Variants in POTEI observed in about 807,000 individuals in gnomAD.
The protein encoded by POTEI is POTE ankyrin domain family member I.
Under a neutral mutation model 43.4 loss-of-function variants are expected in POTEI, and 14 were observed. The observed-to-expected ratio is 0.32, with a 90% CI of 0.21 to 0.50. POTEI has a LOEUF of 0.50. Ranked by LOEUF, POTEI falls within the 20% of genes least tolerant of loss-of-function variation. The probability of loss-of-function intolerance (pLI) is 0.98; values close to 1 mark genes in which losing one functional copy is unlikely to be tolerated. For missense variants in POTEI, 235 were observed against 795.4 expected (o/e 0.30, Z 8.47); for synonymous variants, 95 against 297.9 (o/e 0.32, Z 7.01).
At chr2:130,483,835 C>A (rs183937768) in intron 9 of POTEI, among the ~76,000 whole-genome samples, 1 of 150,610 alleles carries the variant, frequency 6.6e-6, no homozygotes. Flanking sequence ...CCTGCCTCGG[C>A]CTCCCAAAGT....
At chr2:130,477,549 T>C (rs1464183319) in intron 10 of POTEI, among the ~76,000 whole-genome samples, 2 of 150,034 alleles carry the variant, frequency 1.3e-5, no homozygotes, top group African/African-American at 5.0e-5. Flanking sequence ...ACTTTACTGA[T>C]TTTTCTACTG....
rs1470869938 is a variant in POTEI, at chr2:130,461,250, C to A, written c.*1566G>T. The A allele has an allele frequency of 8.8e-6, 1 of 113,000 alleles. No individual in the cohort carries two copies. The highest frequency in any genetic ancestry group is 2.0e-5 in the Non-Finnish European group (1 of 49,232). The allele number at this position is 113,000 out of a possible 1,614,324, so 7.0% of individuals were successfully genotyped here. ...TGGGGGTTCACTTCAGCCCCTGGTC[C>A]GCCTCAGACACTCTGAAGCCCTAAG... is the stretch of plus-strand genomic sequence containing the variant. On this transcript the variant is annotated 3_prime_UTR_variant, in exon 15 of 15. Transcript: ENST00000451531.
chr2:130,507,276 A>ATG (rs1489041902), intron 1 of POTEI, among the ~76,000 whole-genome samples: 1 of 630 alleles, frequency 1.6e-3, no homozygotes, highest in African/African-American at 2.3e-3. Flanking sequence ...AAAAAAGGAT[A>ATG]TATATATATA....
intron 9 of POTEI, among the ~76,000 whole-genome samples, chr2:130,483,739 C>T (rs1159637548): frequency 3.0e-4 from 45 of 148,680 alleles, no homozygotes; most frequent in African/African-American, 8.4e-4. Flanking sequence ...GGACTACAGG[C>T]GCATGCCACC....
In POTEI at chr2:130,460,285, G is replaced by C. The variant is rs1250490440; in HGVS notation, c.*2531C>G. 6.6e-6 allele frequency: 1 copy of C among 151,860 alleles called. No homozygotes were observed. The highest frequency in any genetic ancestry group is 1.5e-5 in the Non-Finnish European group (1 of 68,046). 9.4% of individuals were successfully genotyped at this position (151,860 alleles called of 1,614,324 possible). ...CCTCCAGAGATCAGGTCTCAGAGGA[G>C]AACTCTCTCAAAAGTGAACCCCCAG... On this transcript the variant is annotated 3_prime_UTR_variant, in exon 15 of 15. Coordinates refer to ENST00000451531, the MANE Select transcript of POTEI (RefSeq NM_001277406.2).
Position 130,473,668 on chromosome 2 carries a change from T to G in POTEI, c.1778+710A>C, listed in dbSNP as rs542936275. Among the ~76,000 whole-genome samples the G allele has an allele frequency of 9.3e-3, 216 of 23,152 alleles. 22 individuals are homozygous for G. The highest frequency in any genetic ancestry group is 9.9e-3 in the African/African-American group (208 of 21,068). The allele number at this position is 23,152 out of a possible 152,430, so 15.2% of individuals were successfully genotyped here. On this transcript the variant is annotated intron_variant, in intron 13 of 14. Transcript: ENST00000451531. The stretch of plus-strand genomic sequence containing the variant: ...ATACTATAATAAATGTCCTTATACA[T>G]AAGTATACATATAACATATCTATAC...
chr2:130,477,937 C>G (rs1683261583), intron 10 of POTEI, among the ~76,000 whole-genome samples: 1 of 112,386 alleles, frequency 8.9e-6, no homozygotes, highest in Admixed American at 9.5e-5. Flanking sequence ...GCCAGCAGCT[C>G]AGTAATGCCA....
At chr2:130,468,542 C>G (rs1477056619) in intron 13 of POTEI, among the ~76,000 whole-genome samples, 2 of 151,856 alleles carry the variant, frequency 1.3e-5, no homozygotes, top group African/African-American at 4.8e-5. Flanking sequence ...CAAAGAGCCC[C>G]TTATGAAACC....
chr2:130,508,924 G>C lies in POTEI; in HGVS notation c.312C>G (p.His104Gln), dbSNP rs761266124. The change falls in exon 1 of 15, where the codon CAC (histidine) becomes CAG (glutamine). Residue 104 changes from histidine to glutamine, a missense_variant. By Grantham distance (24) the His-to-Gln change is conservative. Transcript: ENST00000451531. ...CGCTCCCCCTGCAGCAGGGGAAGCA[G>C]TGGCAGCACCACTTGCCCATCTTGC... ...LRSKMGKWCCHCFPCCRGSGK... is the reference protein window; with the variant it reads ...LRSKMGKWCCQCFPCCRGSGK... 3.2e-6 allele frequency: 5 copies of C among 1,587,188 alleles called. No individual in the cohort carries two copies. The highest frequency in any genetic ancestry group is 4.3e-6 in the Non-Finnish European group (5 of 1,168,676).
chr2:130,482,826 C>T (rs912313037), intron 9 of POTEI, among the ~76,000 whole-genome samples: 3 of 143,488 alleles, frequency 2.1e-5, no homozygotes, highest in African/African-American at 5.2e-5. Context: ...GATGTTAAGA[C>T]CTGACTTGGA....
chr2:130,486,923 A>AT (rs1683593314), intron 9 of POTEI, among the ~76,000 whole-genome samples: 1 of 119,398 alleles, frequency 8.4e-6, no homozygotes, highest in South Asian at 3.6e-4. Context: ...TTAAATACAG[A>AT]TCCCCATGTA....
intron 6 of POTEI, among the ~76,000 whole-genome samples, chr2:130,492,985 C>T (rs1231485839): frequency 2.7e-5 from 4 of 150,302 alleles, no homozygotes; most frequent in African/African-American, 7.3e-5. Flanking sequence ...ACAAAAAACA[C>T]TCTTTCTCTT....
Position 130,508,914 on chromosome 2 carries a change from A to G in POTEI, c.322T>C (p.Cys108Arg), listed in dbSNP as rs1414879463. 16 of 1,593,944 alleles carry G rather than the reference A, an allele frequency of 1.0e-5. No homozygotes were observed. Among genetic ancestry groups the G allele is most frequent in the Non-Finnish European group, 1.3e-5 (15 of 1,173,520 alleles). Reference sequence around the variant, plus strand: ...TTGCTCTTGCCGCTCCCCCTGCAGCAGGGGAAGCAGTGGCAGCACCACTTG... The same window carrying G: ...TTGCTCTTGCCGCTCCCCCTGCAGCGGGGGAAGCAGTGGCAGCACCACTTG... ...MGKWCCHCFP[C>R]CRGSGKSNVG... is the part of the protein sequence containing the mutation. The change falls in exon 1 of 15, where the codon TGC becomes CGC. Residue 108 changes from cysteine (C) to arginine (R), a missense_variant. Cys to Arg is a radical substitution (Grantham distance 180, BLOSUM62 -3). Coordinates refer to ENST00000451531, the MANE Select transcript of POTEI (RefSeq NM_001277406.2).
chr2:130,482,421 CT>C (rs1398742977), intron 9 of POTEI, among the ~76,000 whole-genome samples: 1 of 150,394 alleles, frequency 6.6e-6, no homozygotes, highest in Non-Finnish European at 1.5e-5. Flanking sequence ...TTAATGTCTT[CT>C]TCTACAAAGT....
chr2:130,487,348 C>G lies in POTEI; in HGVS notation c.1409+684G>C, dbSNP rs1449397448. ...TACATAAGTATATATGTAACATCTA[C>G]ACAAATATCCTTTACATATATTATA... On this transcript the variant is annotated intron_variant, in intron 9 of 14. Transcript: ENST00000451531. Among the ~76,000 whole-genome samples the G allele has an allele frequency of 5.9e-3, 38 of 6,436 alleles. 18 individuals are homozygous for G. The Non-Finnish European group carries it at 0.22, about 38-fold the overall frequency. 4.2% of individuals were successfully genotyped at this position (6,436 alleles called of 152,430 possible). A position where few individuals can be genotyped will look rare whatever the true frequency, so the allele number is the denominator to read the frequency against.
intron 1 of POTEI, among the ~76,000 whole-genome samples, chr2:130,507,311 TATATATACACACACAC>T (rs1168118240): frequency 4.6e-4 from 5 of 10,808 alleles, no homozygotes; most frequent in Non-Finnish European, 7.9e-4. Flanking sequence ...TATATATATA[TATATATACACACACAC>T]ACACACACAC....
intron 9 of POTEI, among the ~76,000 whole-genome samples, chr2:130,483,817 G>A (rs1276842058): frequency 3.3e-5 from 5 of 150,370 alleles, no homozygotes; most frequent in South Asian, 2.1e-4. Flanking sequence ...TCCTGACCTC[G>A]TGATCCGCCT....
intron 9 of POTEI, among the ~76,000 whole-genome samples, chr2:130,483,671 T>G (rs914810491): frequency 1.1e-4 from 15 of 138,894 alleles, no homozygotes; most frequent in Non-Finnish European, 1.8e-4. Context: ...CTCGGCTCAC[T>G]GCAAGCTCCG....
At chr2:130,467,919 C>A (rs867936642) in intron 13 of POTEI, among the ~76,000 whole-genome samples, 4,062 of 136,836 alleles carry the variant, frequency 0.03, no homozygotes, top group African/African-American at 0.11. Context: ...TGAGATATCA[C>A]CTCACTGCAG....
Sources: allele counts gnomAD v4.1 joint callset (sites outside exome capture counted in the v4.1 genomes callset), GRCh38; gene constraint gnomAD v4.1.1; transcripts MANE v1.5; gene names NCBI Gene and HGNC (gene_info 2026-07-23, HGNC 2026-07-21).